MTREX: variants seen among roughly 807,000 people sequenced by gnomAD.
MTREX encodes the protein Mtr4 exosome RNA helicase.
MTREX carries 76 observed loss-of-function variants against 135.4 expected under a neutral mutation model. The ratio of observed to expected loss-of-function variants is 0.56; its 90% CI spans 0.47 to 0.68. The LOEUF is 0.68. Among genes scored for constraint, MTREX ranks in the 30% least tolerant of loss-of-function variants. MTREX has a pLI of 0.00. For missense variants in MTREX, 920 were observed against 1,262.1 expected (o/e 0.73, Z 4.11); for synonymous variants, 404 against 401.6 (o/e 1.01, Z -0.07).
intron 3 of MTREX, among the ~76,000 whole-genome samples, chr5:55,327,022 T>C (rs1304148294): frequency 6.6e-6 from 1 of 152,244 alleles, no homozygotes; most frequent in African/African-American, 2.4e-5. Context: ...GCAAAGGACA[T>C]GAACTCATCA....
intron 15 of MTREX, among the ~76,000 whole-genome samples, chr5:55,360,419 T>TC (rs1749988526): frequency 6.6e-6 from 1 of 151,976 alleles, no homozygotes; most frequent in African/African-American, 2.4e-5. Context: ...TTTTTTTTTT[T>TC]ACAAGTCTTT....
intron 23 of MTREX, among the ~76,000 whole-genome samples, chr5:55,413,689 T>C (rs143507076): frequency 6.6e-6 from 1 of 152,236 alleles, no homozygotes; most frequent in Non-Finnish European, 1.5e-5. Context: ...AGCTGTCTTA[T>C]ACTTTGTTAG....
At chr5:55,353,566 G>C (rs1189451539) in intron 14 of MTREX, among the ~76,000 whole-genome samples, 1 of 152,110 alleles carries the variant, frequency 6.6e-6, no homozygotes, top group Non-Finnish European at 1.5e-5. Context: ...ACCTGGGAGT[G>C]GTGATGTGCA....
chr5:55,360,410 T>TC (rs1233750529), intron 15 of MTREX, among the ~76,000 whole-genome samples: 1 of 152,088 alleles, frequency 6.6e-6, no homozygotes, highest in Non-Finnish European at 1.5e-5. Flanking sequence ...ATGAACTTTT[T>TC]TTTTTTTTTA....
intron 9 of MTREX, 62 bp from the exon 10 acceptor site, chr5:55,345,031 GA>G: frequency 1.0e-6 from 1 of 986,496 alleles, no homozygotes; most frequent in Non-Finnish European, 1.6e-6. Context: ...CCTTATGTAT[GA>G]AAAATGTTTG....
intron 1 of MTREX, among the ~76,000 whole-genome samples, chr5:55,312,090 C>T (rs1749122737): frequency 6.6e-6 from 1 of 152,178 alleles, no homozygotes; most frequent in African/African-American, 2.4e-5. Flanking sequence ...ACGGCTTTAG[C>T]ACCTAGTGAT....
intron 9 of MTREX, 33 bp from the exon 10 acceptor site, chr5:55,345,061 G>C: frequency 7.9e-7 from 1 of 1,270,318 alleles, no homozygotes; most frequent in Non-Finnish European, 1.1e-6. Context: ...TTAAGTATTA[G>C]TGAAGTTACA....
intron 3 of MTREX, among the ~76,000 whole-genome samples, chr5:55,325,347 T>TG (rs1315245490): frequency 6.6e-6 from 1 of 150,606 alleles, no homozygotes; most frequent in African/African-American, 2.4e-5. Flanking sequence ...TTGTTTTTTT[T>TG]TTTTTTAAGA....
chr5:55,415,840 G>T (rs765031106), intron 24 of MTREX, 130 bp from the exon 25 acceptor site: 1 of 574,882 alleles, frequency 1.7e-6, no homozygotes, highest in Non-Finnish European at 3.0e-6. Context: ...CTTAGGAGCA[G>T]AATGTCCACA....
intron 16 of MTREX, among the ~76,000 whole-genome samples, chr5:55,376,501 G>A (rs1245405952): frequency 6.6e-6 from 1 of 152,198 alleles, no homozygotes; most frequent in East Asian, 1.9e-4. Context: ...TTCCAGCAGT[G>A]GTGGCCATTG....
intron 1 of MTREX, among the ~76,000 whole-genome samples, chr5:55,318,821 T>C (rs1018997549): frequency 2.6e-5 from 4 of 152,070 alleles, no homozygotes; most frequent in Admixed American, 2.0e-4. Flanking sequence ...CTAGGCGAGA[T>C]ACAATGGTTG....
At chr5:55,335,881 T>G (rs1392654891) in intron 5 of MTREX, among the ~76,000 whole-genome samples, 2 of 152,166 alleles carry the variant, frequency 1.3e-5, no homozygotes, top group Non-Finnish European at 2.9e-5. Context: ...ACTCAATCGA[T>G]GAAAATGATG....
Position 55,422,865 on chromosome 5 carries a change from C to G in MTREX, c.2972-13C>G, listed in dbSNP as rs192617234. On this transcript the variant is annotated splice_polypyrimidine_tract_variant and intron_variant, in intron 25 of 26. Coordinates refer to ENST00000230640, the MANE Select transcript of MTREX (RefSeq NM_015360.5). ...TTTCCATTTTACCAGTGTTTTGTTC[C>G]TTTTCTATCCAGGCAGCATAATTCG... is the stretch of plus-strand genomic sequence containing the variant. 6.2e-7 allele frequency: 1 copy of G among 1,602,900 alleles called. No homozygotes were observed. The highest frequency in any genetic ancestry group is 8.5e-7 in the Non-Finnish European group (1 of 1,175,132).
At chr5:55,339,204 T>C (rs1029592680) in intron 5 of MTREX, among the ~76,000 whole-genome samples, 1 of 152,184 alleles carries the variant, frequency 6.6e-6, no homozygotes, top group African/African-American at 2.4e-5. Flanking sequence ...ACTTTCCTGT[T>C]TGTTTTTATA....
chr5:55,378,356 C>A lies in MTREX; in HGVS notation c.1853C>A (p.Pro618His). 1 of 1,606,766 alleles carries A rather than the reference C, an allele frequency of 6.2e-7. No homozygotes were observed. Among genetic ancestry groups the A allele is most frequent in the South Asian group, 1.1e-5 (1 of 88,664 alleles). ...GAACAGTATAATAAAATAGTAATTCCCAATGAAGAAAGTGTGGTTATCTAT... is the reference window on the plus strand; with the variant it reads ...GAACAGTATAATAAAATAGTAATTCACAATGAAGAAAGTGTGGTTATCTAT... ...SEEQYNKIVI[P>H]NEESVVIYYK... Residue 618 changes from proline (P) to histidine (H), a missense_variant, in exon 17 of 27, where the codon CCC (proline) becomes CAC (histidine). Pro to His is a moderately conservative substitution (Grantham distance 77). Transcript: ENST00000230640.
At chr5:55,340,256 G>A in intron 6 of MTREX, 72 bp downstream of exon 6, 2 of 1,265,886 alleles carry the variant, frequency 1.6e-6, no homozygotes, top group South Asian at 4.2e-5. Flanking sequence ...TTAGAACCTG[G>A]GAAGTTTTAT....
At chr5:55,377,300 C>T (rs575656195) in intron 16 of MTREX, among the ~76,000 whole-genome samples, 1 of 152,058 alleles carries the variant, frequency 6.6e-6, no homozygotes, top group Admixed American at 6.6e-5. Context: ...GCACTCTAGC[C>T]TGGGCGACAG....
intron 1 of MTREX, among the ~76,000 whole-genome samples, chr5:55,318,696 ATG>A (rs1337057578): frequency 6.6e-6 from 1 of 152,146 alleles, no homozygotes; most frequent in East Asian, 1.9e-4. Context: ...ATGAAATAAT[ATG>A]TACAACAAAC....
At chr5:55,370,153 C>T (rs906702072) in intron 16 of MTREX, among the ~76,000 whole-genome samples, 18 of 152,126 alleles carry the variant, frequency 1.2e-4, no homozygotes, top group Non-Finnish European at 2.1e-4. Flanking sequence ...AAACTCCCAA[C>T]CTCAGGTGAT....
Sources: gnomAD v4.1 joint callset for allele counts (sites outside exome capture counted in the v4.1 genomes callset) on GRCh38, gnomAD v4.1.1 for gene constraint, MANE v1.5 for transcripts, NCBI Gene and HGNC (gene_info 2026-07-23, HGNC 2026-07-21) for gene names.